The following ARHGAP10 variants were observed in gnomAD, a reference collection of about 807,000 sequenced individuals.
The protein encoded by ARHGAP10 is rho GTPase-activating protein 10.
A neutral mutation model predicts 108.6 loss-of-function variants in ARHGAP10; 87 were observed. That is an observed-to-expected ratio of 0.80 (90% CI 0.67 to 0.96). ARHGAP10 has a LOEUF of 0.96. Ranked by LOEUF, ARHGAP10 falls within the 40% of genes least tolerant of loss-of-function variation. The pLI is 0.00. For synonymous variants in ARHGAP10, 347 were observed against 341.1 expected (o/e 1.02, Z -0.19); for missense variants, 939 against 954.5 (o/e 0.98, Z 0.21).
chr4:147,804,750 T>C (rs1731714282), intron 1 of ARHGAP10, among the ~76,000 whole-genome samples: 1 of 152,248 alleles, frequency 6.6e-6, no homozygotes, highest in African/African-American at 2.4e-5. Context: ...TGCTGAGCTT[T>C]TTTTTATATG....
At chr4:147,919,508 AAAGCAGTTGTTCCC>A (rs1200075051) in intron 13 of ARHGAP10, among the ~76,000 whole-genome samples, 1 of 152,234 alleles carries the variant, frequency 6.6e-6, no homozygotes, top group Non-Finnish European at 1.5e-5. Flanking sequence ...AAGACTTCCT[AAAGCAGTTGTTCCC>A]AAACTTTGCT....
intron 18 of ARHGAP10, among the ~76,000 whole-genome samples, chr4:148,018,165 T>G (rs1741422034): frequency 1.3e-5 from 2 of 152,180 alleles, no homozygotes; most frequent in South Asian, 4.1e-4. Context: ...ATTTTCACCC[T>G]GTGGGGAAAA....
chr4:147,761,871 AGCC>A lies in ARHGAP10; in HGVS notation c.154+29417_154+29419del, dbSNP rs74473706. Among the ~76,000 whole-genome samples, 85 of 151,974 alleles carry A rather than the reference AGCC, an allele frequency of 5.6e-4. No homozygotes were observed. The East Asian group carries it at 0.014, about 25-fold the overall frequency. On this transcript the variant is annotated intron_variant, in intron 1 of 22. Coordinates refer to ENST00000336498, the MANE Select transcript of ARHGAP10 (RefSeq NM_024605.4). ...AAAAAGTTAAGTGAATTAAATGAGT[AGCC>A]ACTTGCTTTGGACTTTATGTAGCAG...
chr4:147,925,509 T>C (rs544716200), intron 13 of ARHGAP10, among the ~76,000 whole-genome samples: 1 of 152,306 alleles, frequency 6.6e-6, no homozygotes, highest in African/African-American at 2.4e-5. Context: ...TATTTAGCTG[T>C]CCCATCCTTT....
intron 10 of ARHGAP10, among the ~76,000 whole-genome samples, chr4:147,899,339 G>GTGTGTC (rs1387880317): frequency 1.3e-4 from 19 of 149,178 alleles, no homozygotes; most frequent in Admixed American, 2.6e-4. Flanking sequence ...GTGTGTGTGT[G>GTGTGTC]TGTGTCTGTG....
At chr4:148,061,235 G>A (rs1415509626) in intron 20 of ARHGAP10, among the ~76,000 whole-genome samples, 1 of 152,138 alleles carries the variant, frequency 6.6e-6, no homozygotes, top group African/African-American at 2.4e-5. Context: ...CCTCTAGGCA[G>A]AGGGATGGCA....
At chr4:147,846,178 G>C (rs1223925712) in intron 3 of ARHGAP10, among the ~76,000 whole-genome samples, 1 of 152,142 alleles carries the variant, frequency 6.6e-6, no homozygotes, top group Non-Finnish European at 1.5e-5. Context: ...TGTTCCCTAC[G>C]TTAGAGTATG....
At position 147,741,767 on chromosome 4, in the gene ARHGAP10, T is replaced by TACACACACAC. The variant is rs369661175; in HGVS notation, c.154+9327_154+9336dup. On this transcript the variant is annotated intron_variant, in intron 1 of 22. Coordinates refer to ENST00000336498, the MANE Select transcript of ARHGAP10 (RefSeq NM_024605.4). ...GCAGGCATCTTGATATCGTTCTCTT[T>TACACACACAC]ACACACACACACACACACACACACG... is the stretch of plus-strand genomic sequence containing the variant. Among the ~76,000 whole-genome samples the TACACACACAC allele has an allele frequency of 4.5e-5, 6 of 134,564 alleles. No homozygotes were observed. In the South Asian group the frequency reaches 7.5e-4, roughly 17 times the overall value. 88.3% of individuals were successfully genotyped at this position (134,564 alleles called of 152,430 possible).
intron 4 of ARHGAP10, among the ~76,000 whole-genome samples, chr4:147,849,491 C>A (rs1733773821): frequency 1.3e-5 from 2 of 152,152 alleles, no homozygotes; most frequent in Non-Finnish European, 2.9e-5. Context: ...GGTTAAAGAG[C>A]TTTTTGTAAA....
chr4:147,898,338 TTC>T (rs1216760318), intron 10 of ARHGAP10, among the ~76,000 whole-genome samples: 1 of 152,150 alleles, frequency 6.6e-6, no homozygotes, highest in Admixed American at 6.5e-5. Context: ...TTTCATTGTC[TTC>T]AGGCTTCCGT....
intron 18 of ARHGAP10, among the ~76,000 whole-genome samples, chr4:147,983,838 G>A (rs1739925360): frequency 6.6e-6 from 1 of 152,184 alleles, no homozygotes; most frequent in South Asian, 2.1e-4. Flanking sequence ...TGGGGAGTTA[G>A]TGGGATCCTT....
chr4:148,051,601 T>C (rs916259175), intron 20 of ARHGAP10, among the ~76,000 whole-genome samples: 2 of 152,222 alleles, frequency 1.3e-5, no homozygotes, highest in Non-Finnish European at 2.9e-5. Flanking sequence ...GCCGGCACCC[T>C]GAGATGCATC....
chr4:147,755,842 G>T (rs1324606802), intron 1 of ARHGAP10, among the ~76,000 whole-genome samples: 3 of 152,046 alleles, frequency 2.0e-5, no homozygotes, highest in Admixed American at 1.3e-4. Context: ...AGCCTCTGTG[G>T]CTGTTTGCTG....
At chr4:147,870,975 T>TGTGTGTGTGTGTGTG (rs1734795900) in intron 7 of ARHGAP10, among the ~76,000 whole-genome samples, 1 of 130,944 alleles carries the variant, frequency 7.6e-6, no homozygotes, top group African/African-American at 2.8e-5. Context: ...TGTGTGTGTG[T>TGTGTGTGTGTGTGTG]TTGAGATGGA....
Position 148,038,211 on chromosome 4 carries a change from A to G in ARHGAP10, c.1868-8681A>G, listed in dbSNP as rs369810701. Among the ~76,000 whole-genome samples the G allele has an allele frequency of 3.9e-5, 6 of 152,296 alleles. No homozygotes were observed. The East Asian group carries it at 5.8e-4, about 15-fold the overall frequency. The stretch of plus-strand genomic sequence containing the variant: ...TGGCAGTTCTGTTTCTTGGTACTAG[A>G]TACCACTCTCCTTTTCAGTGGCCTG... On this transcript the variant is annotated intron_variant, in intron 19 of 22. Transcript: ENST00000336498.
Position 147,857,551 on chromosome 4 carries a change from A to C in ARHGAP10, c.385-2A>C. 4 of 1,443,700 alleles carry C rather than the reference A, an allele frequency of 2.8e-6. No individual in the cohort carries two copies. The highest frequency in any genetic ancestry group is 3.7e-6 in the Non-Finnish European group (4 of 1,093,742). The allele number at this position is 1,443,700 out of a possible 1,614,324, so 89.4% of individuals were successfully genotyped here. A position where few individuals can be genotyped will look rare whatever the true frequency, so the allele number is the denominator to read the frequency against. Reference sequence around the variant, plus strand: ...TAATCATAGTTTTTTTTTTATTTGTAGGAAGAAAAAAAGAAGTTTGACAAA... The same window carrying C: ...TAATCATAGTTTTTTTTTTATTTGTCGGAAGAAAAAAAGAAGTTTGACAAA... On this transcript the variant is annotated splice_acceptor_variant, in intron 4 of 22. Coordinates refer to ENST00000336498, the MANE Select transcript of ARHGAP10 (RefSeq NM_024605.4). LOFTEE classifies it high-confidence loss of function.
chr4:147,968,630 T>C (rs1739289352), intron 18 of ARHGAP10, among the ~76,000 whole-genome samples: 1 of 152,212 alleles, frequency 6.6e-6, no homozygotes, highest in Admixed American at 6.5e-5. Context: ...AGGGAAAACA[T>C]GATTTTAAAT....
chr4:147,987,242 T>C (rs899370463), intron 18 of ARHGAP10, among the ~76,000 whole-genome samples: 1 of 152,212 alleles, frequency 6.6e-6, no homozygotes, highest in African/African-American at 2.4e-5. Flanking sequence ...AATGATAAAG[T>C]ATACATTAAT....
intron 19 of ARHGAP10, among the ~76,000 whole-genome samples, chr4:148,027,124 G>A (rs1048927270): frequency 2.0e-5 from 3 of 152,102 alleles, no homozygotes; most frequent in Non-Finnish European, 4.4e-5. Context: ...CTGGGGAGTC[G>A]GGGAGAAGAG....
Sources: allele counts gnomAD v4.1 joint callset (sites outside exome capture counted in the v4.1 genomes callset), GRCh38; gene constraint gnomAD v4.1.1; transcripts MANE v1.5; gene names NCBI Gene and HGNC (gene_info 2026-07-23, HGNC 2026-07-21).